Variants in CDH18 observed in about 807,000 individuals in gnomAD.
CDH18 encodes cadherin 18, also known as cadherin-18.
CDH18 carries 31 observed loss-of-function variants against 67.9 expected under a neutral mutation model. The observed-to-expected ratio is 0.46, with a 90% CI of 0.34 to 0.62. The LOEUF is 0.62. CDH18 is among the 20% of genes least tolerant of loss of function. CDH18 has a pLI of 0.01. For synonymous variants in CDH18, 362 were observed against 347.2 expected (o/e 1.04, Z -0.48); for missense variants, 890 against 975.5 (o/e 0.91, Z 1.17).
intron 1 of CDH18, among the ~76,000 whole-genome samples, chr5:20,340,828 G>A (rs1269178258): frequency 2.0e-5 from 3 of 152,238 alleles, no homozygotes; most frequent in East Asian, 1.9e-4. Flanking sequence ...ACTTTAATCC[G>A]ACGTTTTCCT....
intron 1 of CDH18, among the ~76,000 whole-genome samples, chr5:20,322,112 G>C (rs1738087874): frequency 6.6e-6 from 1 of 152,086 alleles, no homozygotes; most frequent in South Asian, 2.1e-4. Flanking sequence ...GGAACAGAGT[G>C]CATGGTTGGA....
At chr5:19,722,269 G>A (rs1190708962) in intron 4 of CDH18, among the ~76,000 whole-genome samples, 1 of 151,800 alleles carries the variant, frequency 6.6e-6, no homozygotes, top group African/African-American at 2.4e-5. Context: ...GGCCAGGTTG[G>A]TCTTGAACTC....
chr5:19,669,400 C>A (rs1480475590), intron 5 of CDH18, among the ~76,000 whole-genome samples: 2 of 151,572 alleles, frequency 1.3e-5, no homozygotes, highest in Admixed American at 6.6e-5. Flanking sequence ...TCAAGTGATT[C>A]TCCTGCCTCA....
chr5:20,099,225 A>G (rs1746249542), intron 2 of CDH18, among the ~76,000 whole-genome samples: 1 of 152,112 alleles, frequency 6.6e-6, no homozygotes, highest in Non-Finnish European at 1.5e-5. Context: ...CTGATTTCCA[A>G]TTTTCTTTCT....
intron 1 of CDH18, among the ~76,000 whole-genome samples, chr5:20,269,209 G>A (rs1345772401): frequency 6.6e-6 from 1 of 151,860 alleles, no homozygotes; most frequent in Admixed American, 6.6e-5. Flanking sequence ...CAGAAGGGCT[G>A]TTATTAAAAA....
chr5:19,811,138 GAAAGAAAGAAAGAA>G (rs1778654697), intron 3 of CDH18, among the ~76,000 whole-genome samples: 5 of 111,288 alleles, frequency 4.5e-5, no homozygotes, highest in Admixed American at 3.8e-4. Context: ...AAGAAAGAAA[GAAAGAAAGAAAGAA>G]AGAAAGAAGG....
At chr5:19,732,778 T>C (rs1205912088) in intron 4 of CDH18, among the ~76,000 whole-genome samples, 5 of 152,194 alleles carry the variant, frequency 3.3e-5, no homozygotes, top group African/African-American at 4.8e-5. Flanking sequence ...TCATCTCTTA[T>C]ATCTGTTATC....
At position 19,609,873 on chromosome 5, in the gene CDH18, C is replaced by T. The variant is rs576762832; in HGVS notation, c.811+2561G>A. Among the ~76,000 whole-genome samples the T allele has an allele frequency of 2.6e-5, 4 of 152,048 alleles. No homozygotes were observed. The South Asian group carries it at 6.2e-4, about 24-fold the overall frequency. ...AGAATTTGAGCTGTGTATAGACTTG[C>T]GCATGTCATGGTATTTTGTGAATAC... On this transcript the variant is annotated intron_variant, in intron 6 of 12. Coordinates refer to ENST00000382275, the MANE Select transcript of CDH18 (RefSeq NM_004934.5).
At chr5:19,539,699 A>G (rs1749944608) in intron 9 of CDH18, among the ~76,000 whole-genome samples, 5 of 152,200 alleles carry the variant, frequency 3.3e-5, no homozygotes, top group Admixed American at 3.3e-4. Flanking sequence ...AGCAGGCAAG[A>G]GAAAGCCTGT....
At chr5:19,499,485 A>G (rs1451224525) in intron 11 of CDH18, among the ~76,000 whole-genome samples, 1 of 152,058 alleles carries the variant, frequency 6.6e-6, no homozygotes, top group Non-Finnish European at 1.5e-5. Context: ...TTAAATTTCT[A>G]CATATCTCTA....
chr5:20,328,473 TTGTGTGTG>T lies in CDH18; in HGVS notation c.-579-72976_-579-72969del, dbSNP rs70954646. Among the ~76,000 whole-genome samples the T allele has an allele frequency of 4.2e-3, 590 of 141,328 alleles. 6 individuals are homozygous for T. Among genetic ancestry groups the T allele is most frequent in the South Asian group, 0.021 (90 of 4,238 alleles). 92.7% of individuals were successfully genotyped at this position (141,328 alleles called of 152,430 possible). ...TTTATTGAGGTGTTGGAGAAGCCAT[TTGTGTGTG>T]TGTGTGTGTGTGTGTGTGTGTGTGT... On this transcript the variant is annotated intron_variant, in intron 1 of 14. Transcript: ENST00000507958.
At chr5:19,945,258 A>G (rs1018087291) in intron 2 of CDH18, among the ~76,000 whole-genome samples, 60 of 152,168 alleles carry the variant, frequency 3.9e-4, no homozygotes, top group African/African-American at 1.3e-3. Flanking sequence ...CAACACAAGC[A>G]GGGATCAAGC....
At chr5:20,415,346 C>T (rs1747204209) in intron 1 of CDH18, among the ~76,000 whole-genome samples, 1 of 149,302 alleles carries the variant, frequency 6.7e-6, no homozygotes, top group Non-Finnish European at 1.5e-5. Context: ...GAGATCACAC[C>T]ACTGCACTCC....
intron 8 of CDH18, among the ~76,000 whole-genome samples, chr5:19,566,629 GA>G (rs1475571619): frequency 6.6e-6 from 1 of 151,962 alleles, no homozygotes; most frequent in Non-Finnish European, 1.5e-5. Context: ...GAACACTATG[GA>G]GGAAACCGCC....
At chr5:19,520,291 C>CA (rs2126897875) in intron 10 of CDH18, among the ~76,000 whole-genome samples, 1 of 152,230 alleles carries the variant, frequency 6.6e-6, no homozygotes, top group Non-Finnish European at 1.5e-5. Flanking sequence ...GCAGATCCTC[C>CA]AAAATAGAGC....
intron 6 of CDH18, among the ~76,000 whole-genome samples, chr5:19,602,926 T>C (rs191880306): frequency 1.1e-4 from 17 of 151,890 alleles, no homozygotes; most frequent in African/African-American, 3.9e-4. Flanking sequence ...GATCGCACCA[T>C]TGCACTCCAG....
intron 2 of CDH18, among the ~76,000 whole-genome samples, chr5:20,228,229 C>T (rs1741791070): frequency 6.6e-6 from 1 of 151,870 alleles, no homozygotes; most frequent in Admixed American, 6.6e-5. Context: ...GTTCTCATTC[C>T]CTTCTCCTTG....
chr5:20,018,422 G>A (rs1738083167), intron 2 of CDH18, among the ~76,000 whole-genome samples: 1 of 152,176 alleles, frequency 6.6e-6, no homozygotes. Context: ...TTTGTCTAGT[G>A]TGGAGTAAAC....
intron 2 of CDH18, among the ~76,000 whole-genome samples, chr5:20,050,429 T>C (rs1741315552): frequency 6.6e-6 from 1 of 151,850 alleles, no homozygotes; most frequent in Admixed American, 6.6e-5. Flanking sequence ...ACAGTTACAA[T>C]CATCCTGTGT....
Sources: gnomAD v4.1 joint callset for allele counts (sites outside exome capture counted in the v4.1 genomes callset) on GRCh38, gnomAD v4.1.1 for gene constraint, MANE v1.5 for transcripts, NCBI Gene and HGNC (gene_info 2026-07-23, HGNC 2026-07-21) for gene names.